KISS1: variants seen among roughly 807,000 people sequenced by gnomAD.
KISS1 encodes the protein metastasis-suppressor KiSS-1.
For missense variants in KISS1, 182 were observed against 182.7 expected, an observed-to-expected ratio of 1.00 and a Z score of 0.02; for synonymous variants, 97 against 88.7, an observed-to-expected ratio of 1.09 and a Z score of -0.52.
At chr1:204,194,803 CAGGGGCTGAGTGCAA>C (rs1315635401) in intron 1 of KISS1, among the ~76,000 whole-genome samples, 8 of 152,178 alleles carry the variant, frequency 5.3e-5, no homozygotes, top group African/African-American at 1.9e-4. Flanking sequence ...GAAGCAAGGG[CAGGGGCTGAGTGCAA>C]AGGGAACTTC....
chr1:204,195,785 A>T (rs906147324), intron 1 of KISS1, among the ~76,000 whole-genome samples: 16 of 152,070 alleles, frequency 1.1e-4, no homozygotes, highest in African/African-American at 3.9e-4. Context: ...GGGGCACTTA[A>T]CATATATGGT....
intron 1 of KISS1, 105 bp from the exon 2 acceptor site, chr1:204,193,019 A>C: frequency 1.4e-6 from 1 of 697,504 alleles, no homozygotes; most frequent in Non-Finnish European, 2.6e-6. Flanking sequence ...GAGAGGGGCA[A>C]GTTCTTGCCT....
Position 204,192,263 on chromosome 1 carries a change from C to T in KISS1, c.103+511G>A, listed in dbSNP as rs1658757097. Among the ~76,000 whole-genome samples the T allele has an allele frequency of 6.6e-6, 1 of 152,086 alleles. No individual in the cohort carries two copies. Among genetic ancestry groups the T allele is most frequent in the African/African-American group, 2.4e-5 (1 of 41,416 alleles). On this transcript the variant is annotated intron_variant, in intron 2 of 2. Coordinates refer to ENST00000367194, the MANE Select transcript of KISS1 (RefSeq NM_002256.4). This position sits in a 1 kb window ranked among gnomAD's most constrained non-coding sequence, Gnocchi z 4.2. ...CTGCTGGGTTTCCACAGTGTTTGAG[C>T]GACTCTGGGGAAATCTCTTTACCTC...
At position 204,190,539 on chromosome 1, in the gene KISS1, A is replaced by C. The variant is rs1394490155; in HGVS notation, c.362T>G (p.Phe121Cys). Residue 121 changes from phenylalanine (F) to cysteine (C), a missense_variant, in exon 3 of 3, where the codon TTC becomes TGC. Coordinates refer to ENST00000367194, the MANE Select transcript of KISS1 (RefSeq NM_002256.4). Reference sequence around the variant, plus strand: ...CCCTGGTGCCGCCTCCCGCTTGCCGAAGCGCAGGCCGAAGGAGTTCCAGTT... The same window carrying C: ...CCCTGGTGCCGCCTCCCGCTTGCCGCAGCGCAGGCCGAAGGAGTTCCAGTT... ...NYNWNSFGLR[F>C]GKREAAPGNH... is the part of the protein sequence containing the mutation. The C allele has an allele frequency of 6.2e-7, 1 of 1,609,138 alleles. No individual in the cohort carries two copies. The highest frequency in any genetic ancestry group is 1.1e-5 in the South Asian group (1 of 90,242).
At chr1:204,195,182 A>ATACACC (rs1658815380) in intron 1 of KISS1, among the ~76,000 whole-genome samples, 9 of 2,536 alleles carry the variant, frequency 3.5e-3, no homozygotes, top group South Asian at 0.01. Flanking sequence ...CACACACCAC[A>ATACACC]CATGCACACA....
chr1:204,192,962 G>T lies in KISS1; in HGVS notation c.-38-48C>A. ...AGACTAGGTCAGGCACAGGATCTGGGCTGGGTGCTGAGGGCAGAGCCCAGT... is the reference window on the plus strand; with the variant it reads ...AGACTAGGTCAGGCACAGGATCTGGTCTGGGTGCTGAGGGCAGAGCCCAGT... On this transcript the variant is annotated intron_variant, in intron 1 of 2. Transcript: ENST00000367194. This position sits in a 1 kb window ranked among gnomAD's most constrained non-coding sequence, Gnocchi z 4.2. The T allele has an allele frequency of 1.0e-6, 1 of 958,340 alleles. No homozygotes were observed. Among genetic ancestry groups the T allele is most frequent in the Non-Finnish European group, 1.6e-6 (1 of 612,072 alleles). 59.4% of individuals were successfully genotyped at this position (958,340 alleles called of 1,614,324 possible). A position where few individuals can be genotyped will look rare whatever the true frequency, so the allele number is the denominator to read the frequency against.
intron 1 of KISS1, 114 bp from the exon 2 acceptor site, chr1:204,193,028 C>T: frequency 1.5e-6 from 1 of 688,488 alleles, no homozygotes; most frequent in Non-Finnish European, 2.7e-6. Context: ...AAGTTCTTGC[C>T]TTTGGAGGCT....
rs543739581 is a variant in KISS1, at chr1:204,192,297, TCAAA to T, written c.103+473_103+476del. Among the ~76,000 whole-genome samples, 185 of 152,174 alleles carry T rather than the reference TCAAA, an allele frequency of 1.2e-3. 1 individual carries two copies. The highest frequency in any genetic ancestry group is 4.1e-3 in the African/African-American group (172 of 41,518). On this transcript the variant is annotated intron_variant, in intron 2 of 2. Coordinates refer to ENST00000367194, the MANE Select transcript of KISS1 (RefSeq NM_002256.4). The surrounding 1 kb of genome is among the most constrained non-coding windows in gnomAD (Gnocchi z 4.2). Reference sequence around the variant, plus strand: ...GGAAATCTCTTTACCTCTGTGGGTCTCAAATTTTCCAGCTTATCAGTTCCCCAAT... The same window carrying T: ...GGAAATCTCTTTACCTCTGTGGGTCTTTTTCCAGCTTATCAGTTCCCCAAT...
At chr1:204,195,266 A>AC (rs1406040933) in intron 1 of KISS1, among the ~76,000 whole-genome samples, 136 of 8,106 alleles carry the variant, frequency 0.017, no homozygotes, top group Admixed American at 0.017. Flanking sequence ...CATCATACAC[A>AC]CACACATACA....
At chr1:204,195,072 T>C (rs367841853) in intron 1 of KISS1, among the ~76,000 whole-genome samples, 51 of 149,374 alleles carry the variant, frequency 3.4e-4, no homozygotes, top group African/African-American at 1.3e-3. Flanking sequence ...CCCGAGTGCC[T>C]CCTTCCCACT....
Position 204,190,423 on chromosome 1 carries a change from C to G in KISS1, c.*61G>C, listed in dbSNP as rs897465908. 2.6e-5 allele frequency: 20 copies of G among 774,840 alleles called. No homozygotes were observed. Among genetic ancestry groups the G allele is most frequent in the Non-Finnish European group, 4.3e-5 (20 of 463,638 alleles). The allele number at this position is 774,840 out of a possible 1,614,324, so 48.0% of individuals were successfully genotyped here. ...TTAGCCCTACGTCCCCGCCCCCCGCCCCCGCCCCGCATGCTCTGACTCCTT... is the reference window on the plus strand; with the variant it reads ...TTAGCCCTACGTCCCCGCCCCCCGCGCCCGCCCCGCATGCTCTGACTCCTT... On this transcript the variant is annotated 3_prime_UTR_variant, in exon 3 of 3. Coordinates refer to ENST00000367194, the MANE Select transcript of KISS1 (RefSeq NM_002256.4).
chr1:204,195,212 C>T (rs1218287050), intron 1 of KISS1, among the ~76,000 whole-genome samples: 3 of 1,610 alleles, frequency 1.9e-3, no homozygotes, highest in African/African-American at 9.4e-3. Context: ...CACATATATA[C>T]GCACACACCC....
In KISS1 at chr1:204,192,841, GA is replaced by G; in HGVS notation, c.35del (p.Phe12SerfsTer11). On this transcript the variant is annotated frameshift_variant, in exon 2 of 3. Transcript: ENST00000367194. LOFTEE classifies it high-confidence loss of function. The surrounding 1 kb of genome is among the most constrained non-coding windows in gnomAD (Gnocchi z 4.2). ...GCTCCCCAAAGTGGGTGGCACAGAG[GA>G]AAAGCAGTAGCTGCCAAGAAACCAG... ...NSLVSWQLLL[F>X]LCATHFGEPL... The G allele has an allele frequency of 1.9e-6, 3 of 1,597,580 alleles. No homozygotes were observed. The highest frequency in any genetic ancestry group is 1.1e-5 in the South Asian group (1 of 88,536).
intron 1 of KISS1, among the ~76,000 whole-genome samples, chr1:204,195,564 C>T (rs186794669): frequency 0.011 from 1,630 of 151,150 alleles, 35 homozygotes; most frequent in African/African-American, 0.037. Flanking sequence ...CACCCGTACA[C>T]ATACACTACA....
intron 1 of KISS1, among the ~76,000 whole-genome samples, chr1:204,195,234 C>CACACACACACCACACACATAT (rs1558254617): frequency 7.5e-4 from 1 of 1,332 alleles, no homozygotes. Context: ...TACACATATA[C>CACACACACACCACACACATAT]ACGCATACAC....
In KISS1 at chr1:204,194,343, C is replaced by T. The variant is rs573499301; in HGVS notation, c.-38-1429G>A. Among the ~76,000 whole-genome samples, 46 of 152,324 alleles carry T rather than the reference C, an allele frequency of 3.0e-4. No homozygotes were observed. In the South Asian group the frequency reaches 9.3e-3, roughly 31 times the overall value. ...ACTTTGATACTGTGACAAGTTGAAA[C>T]CCAGACCACAGCTTTCTGCATTTAC... On this transcript the variant is annotated intron_variant, in intron 1 of 2. Transcript: ENST00000367194.
intron 1 of KISS1, among the ~76,000 whole-genome samples, chr1:204,195,291 C>T (rs1558254750): frequency 4.9e-5 from 6 of 123,104 alleles, no homozygotes; most frequent in South Asian, 2.8e-4. Context: ...ACACACCACA[C>T]ACATACACCC....
chr1:204,190,468 C>T lies in KISS1; in HGVS notation c.*16G>A, dbSNP rs751590610. 1.3e-6 allele frequency: 2 copies of T among 1,534,468 alleles called. No individual in the cohort carries two copies. Among genetic ancestry groups the T allele is most frequent in the South Asian group, 1.1e-5 (1 of 87,228 alleles). On this transcript the variant is annotated 3_prime_UTR_variant, in exon 3 of 3. Transcript: ENST00000367194. ...CTCCTTTGGGGTCTGAAGTTCACTG[C>T]CCCGCACCTGCGCCCTCAGCCCCGC...
Position 204,190,729 on chromosome 1 carries a change from G to A in KISS1, c.172C>T (p.Pro58Ser). The change falls in exon 3 of 3, where the codon CCA becomes TCA. Residue 58 changes from proline (P) to serine (S), a missense_variant. Pro to Ser is a moderately conservative substitution (Grantham distance 74). Transcript: ENST00000367194. The stretch of plus-strand genomic sequence containing the variant: ...CGGCTCAGCCTGGCAGTAGCAGCTG[G>A]CTTCCTCTCGGTGCACGGCAGGCTC... ...EQSLPCTERKPAATARLSRRG... is the reference protein window; with the variant it reads ...EQSLPCTERKSAATARLSRRG... 1 of 1,610,144 alleles carries A rather than the reference G, an allele frequency of 6.2e-7. No individual in the cohort carries two copies.
Sources: allele counts gnomAD v4.1 joint callset (sites outside exome capture counted in the v4.1 genomes callset), GRCh38; gene constraint gnomAD v4.1.1; non-coding constraint Gnocchi (gnomAD v3.1); transcripts MANE v1.5; gene names NCBI Gene and HGNC (gene_info 2026-07-23, HGNC 2026-07-21).